The following LDLRAD4 variants were observed in gnomAD, a reference collection of about 807,000 sequenced individuals.
The protein encoded by LDLRAD4 is low density lipoprotein receptor class A domain containing 4.
A neutral mutation model predicts 17.0 loss-of-function variants in LDLRAD4; 5 were observed. The ratio of observed to expected loss-of-function variants is 0.29; its 90% confidence interval spans 0.15 to 0.62. The LOEUF (loss-of-function observed/expected upper bound fraction) is 0.62. Ranked by LOEUF, LDLRAD4 falls within the 20% of genes least tolerant of loss-of-function variation. LDLRAD4 has a pLI of 0.84. For synonymous variants in LDLRAD4, 168 were observed against 171.8 expected (o/e 0.98, Z 0.17); for missense variants, 340 against 424.7 (o/e 0.80, Z 1.75).
chr18:13,237,719 C>A (rs2042406356), intron 1 of LDLRAD4, among the ~76,000 whole-genome samples: 1 of 152,208 alleles, frequency 6.6e-6, no homozygotes, highest in East Asian at 1.9e-4. Flanking sequence ...GACCTCTGGC[C>A]TCAGTTTCCC....
chr18:13,453,959 T>C (rs76125910), intron 3 of LDLRAD4, among the ~76,000 whole-genome samples: 12,113 of 152,362 alleles, frequency 0.08, 624 homozygotes, highest in East Asian at 0.16. Context: ...ATGGGCGCCG[T>C]GTTCACACTG....
In LDLRAD4 at chr18:13,621,529, CG is replaced by C. The variant is rs2040629548; in HGVS notation, c.336+259del. Among the ~76,000 whole-genome samples the C allele has an allele frequency of 2.6e-5, 4 of 152,342 alleles. No individual in the cohort carries two copies. In the South Asian group the frequency reaches 8.3e-4, roughly 32 times the overall value. ...AGGTCTCCCCTGGATCTTTGCTGCC[CG>C]ACGTGGCTTTGCCAGCTTCTGAGCT... On this transcript the variant is annotated intron_variant, in intron 4 of 5. Transcript: ENST00000359446. This position sits in a 1 kb window ranked among gnomAD's most constrained non-coding sequence, Gnocchi z 5.5.
chr18:13,594,796 A>G (rs2095075149), intron 3 of LDLRAD4, among the ~76,000 whole-genome samples: 1 of 151,396 alleles, frequency 6.6e-6, no homozygotes, highest in Non-Finnish European at 1.5e-5. Flanking sequence ...GTCTGGAGGG[A>G]TTGGTGGAGA....
chr18:13,353,794 A>C (rs2083180546), intron 1 of LDLRAD4, among the ~76,000 whole-genome samples: 1 of 152,248 alleles, frequency 6.6e-6, no homozygotes, highest in Non-Finnish European at 1.5e-5. Flanking sequence ...GAGTGAATAA[A>C]AATGAAATGA....
At chr18:13,470,551 C>A (rs1200929464) in intron 3 of LDLRAD4, among the ~76,000 whole-genome samples, 1 of 147,170 alleles carries the variant, frequency 6.8e-6, no homozygotes, top group Non-Finnish European at 1.5e-5. Flanking sequence ...AGTCACCCTG[C>A]CCCTGTCTGG....
chr18:13,588,573 TA>T (rs531024546), intron 3 of LDLRAD4, among the ~76,000 whole-genome samples: 379 of 151,204 alleles, frequency 2.5e-3, no homozygotes, highest in Middle Eastern at 3.4e-3. Context: ...CTTAGCATGT[TA>T]TTTTTTTTAG....
Position 13,499,692 on chromosome 18 carries a change from G to A in LDLRAD4, c.181+61308G>A, listed in dbSNP as rs902578363. On this transcript the variant is annotated intron_variant, in intron 3 of 5. Coordinates refer to ENST00000359446, the Ensembl canonical transcript of LDLRAD4. ...CCGCACACGTCCTGCCATGGACACC[G>A]GAGAATCCATCTCCACACATGTCCC... is the stretch of plus-strand genomic sequence containing the variant. 3.7e-5 allele frequency among the ~76,000 whole-genome samples: 5 copies of A among 136,096 alleles called. No individual in the cohort carries two copies. In the East Asian group the frequency reaches 7.0e-4, roughly 19 times the overall value. 89.3% of individuals were successfully genotyped at this position (136,096 alleles called of 152,430 possible).
At chr18:13,270,395 G>T (rs1317571495) in intron 1 of LDLRAD4, among the ~76,000 whole-genome samples, 1 of 151,862 alleles carries the variant, frequency 6.6e-6, no homozygotes, top group Non-Finnish European at 1.5e-5. Context: ...AAAAGGAAAT[G>T]TAGAACCTTG....
At chr18:13,625,564 G>A (rs2041061717) in intron 4 of LDLRAD4, among the ~76,000 whole-genome samples, 1 of 152,174 alleles carries the variant, frequency 6.6e-6, no homozygotes, top group Non-Finnish European at 1.5e-5. Flanking sequence ...GTTCTGAGAA[G>A]TGGTGACTGC....
At chr18:13,308,571 C>T (rs58733660) in intron 1 of LDLRAD4, among the ~76,000 whole-genome samples, 5,224 of 152,276 alleles carry the variant, frequency 0.034, 243 homozygotes, top group African/African-American at 0.11. Flanking sequence ...CGACCACATC[C>T]TCACTGGTAG....
chr18:13,413,901 T>TA (rs879798907), intron 2 of LDLRAD4, among the ~76,000 whole-genome samples: 33 of 149,394 alleles, frequency 2.2e-4, no homozygotes, highest in Admixed American at 5.3e-4. Context: ...CTCCAGAAAT[T>TA]AAAAAAAAAA....
intron 2 of LDLRAD4, among the ~76,000 whole-genome samples, chr18:13,388,291 A>G (rs2085981892): frequency 6.6e-6 from 1 of 152,216 alleles, no homozygotes; most frequent in African/African-American, 2.4e-5. Flanking sequence ...GGCAGTTTGT[A>G]GGGAACCACA....
chr18:13,612,531 G>A (rs2039671481), intron 3 of LDLRAD4: 5 of 1,417,374 alleles, frequency 3.5e-6, no homozygotes, highest in Middle Eastern at 5.2e-4. Flanking sequence ...AGTGAACGAG[G>A]CAGACAGAAA....
At position 13,467,384 on chromosome 18, in the gene LDLRAD4, C is replaced by T. The variant is rs544609367; in HGVS notation, c.181+29000C>T. ...AATCTGAAAAGGAAATTAACAAAGTCATTTCATTTAAATTAGCTCTAAAAG... is the reference window on the plus strand; with the variant it reads ...AATCTGAAAAGGAAATTAACAAAGTTATTTCATTTAAATTAGCTCTAAAAG... On this transcript the variant is annotated intron_variant, in intron 3 of 5. Coordinates refer to ENST00000359446, the Ensembl canonical transcript of LDLRAD4. Among the ~76,000 whole-genome samples, 9 of 152,310 alleles carry T rather than the reference C, an allele frequency of 5.9e-5. No individual in the cohort carries two copies. The South Asian group carries it at 1.9e-3, about 32-fold the overall frequency.
chr18:13,324,844 C>T (rs1027692386), intron 1 of LDLRAD4, among the ~76,000 whole-genome samples: 2 of 152,166 alleles, frequency 1.3e-5, no homozygotes, highest in African/African-American at 4.8e-5. Context: ...GGAAAGAAAA[C>T]AGCAGAGGTA....
At chr18:13,421,111 T>G (rs1468085205) in intron 2 of LDLRAD4, 1 of 152,306 alleles carries the variant, frequency 6.6e-6, no homozygotes, top group Non-Finnish European at 1.5e-5. Context: ...TTCTGCAGTC[T>G]CTGCGAGGGA....
At chr18:13,388,234 C>T (rs1018931499) in intron 2 of LDLRAD4, among the ~76,000 whole-genome samples, 8 of 152,266 alleles carry the variant, frequency 5.3e-5, no homozygotes, top group South Asian at 2.1e-4. Flanking sequence ...TTGCAGTGAG[C>T]GGGGAGAAGT....
intron 2 of LDLRAD4, among the ~76,000 whole-genome samples, chr18:13,432,099 G>A (rs1029004523): frequency 2.0e-5 from 3 of 152,204 alleles, no homozygotes; most frequent in Non-Finnish European, 4.4e-5. Flanking sequence ...CAGTCTCGCA[G>A]CCTACTCAAC....
rs1211810234 is a variant in LDLRAD4 at position 13,478,484 on chromosome 18, T to C, written c.181+40100T>C. On this transcript the variant is annotated intron_variant, in intron 3 of 5. Transcript: ENST00000359446. ...TTGGCTTCACATTGCTTTTTTCCTA[T>C]ATATCAACAATAAACAAGTGGAATT... is the stretch of plus-strand genomic sequence containing the variant. Among the ~76,000 whole-genome samples the C allele has an allele frequency of 3.9e-5, 6 of 152,226 alleles. No individual in the cohort carries two copies. The East Asian group carries it at 9.6e-4, about 24-fold the overall frequency.
Sources: gnomAD v4.1 joint callset for allele counts (sites outside exome capture counted in the v4.1 genomes callset) on GRCh38, gnomAD v4.1.1 for gene constraint, Gnocchi (gnomAD v3.1) non-coding constraint, MANE v1.5 for transcripts, NCBI Gene and HGNC (gene_info 2026-07-23, HGNC 2026-07-21) for gene names.